PRICKLE2: variants seen among roughly 807,000 people sequenced by gnomAD.
The protein encoded by PRICKLE2 is prickle-like protein 2.
In PRICKLE2, 21 loss-of-function variants were observed where a neutral mutation model predicts 81.4. The ratio of observed to expected loss-of-function variants is 0.26; its 90% CI spans 0.18 to 0.37. PRICKLE2 has a LOEUF of 0.37. PRICKLE2 is among the 10% of genes least tolerant of loss of function. The pLI is 1.00. For missense variants in PRICKLE2, 940 were observed against 1,109.0 expected (o/e 0.85, Z 2.16); for synonymous variants, 456 against 421.5 (o/e 1.08, Z -1.00).
In PRICKLE2 at chr3:64,099,739, T is replaced by G; in HGVS notation, c.1847A>C (p.Glu616Ala). 2 of 1,614,200 alleles carry G rather than the reference T, an allele frequency of 1.2e-6. No homozygotes were observed. The highest frequency in any genetic ancestry group is 1.6e-4 in the Middle Eastern group (1 of 6,062). The change falls in exon 8 of 8, where the codon GAG becomes GCG. Residue 616 changes from glutamate (E) to alanine (A), a missense_variant. Physicochemically the swap from Glu to Ala is moderately radical, Grantham distance 107. Around this residue, in one of 2 missense-constraint regions of PRICKLE2, gnomAD observed 670 missense variants for 717.2 expected, o/e 0.93. Coordinates refer to ENST00000638394, the MANE Select transcript of PRICKLE2 (RefSeq NM_198859.4). The surrounding 1 kb of genome is among the most constrained non-coding windows in gnomAD (Gnocchi z 4.3). Reference sequence around the variant, plus strand: ...GAGCTGGTGGAGGTTTCCCTCCATCTCCTGGTACTGCTGGGCAGAGAGCAG... The same window carrying G: ...GAGCTGGTGGAGGTTTCCCTCCATCGCCTGGTACTGCTGGGCAGAGAGCAG... ...RSLLSAQQYQ[E>A]MEGNLHQLSN... is the part of the protein sequence containing the mutation.
intron 1 of PRICKLE2, among the ~76,000 whole-genome samples, chr3:64,207,338 TAAG>T (rs2078704428): frequency 6.6e-6 from 1 of 152,120 alleles, no homozygotes; most frequent in African/African-American, 2.4e-5. Context: ...AAACTACAGA[TAAG>T]AAGTAAGAGT....
At chr3:64,113,749 C>T (rs1334172140) in intron 7 of PRICKLE2, among the ~76,000 whole-genome samples, 1 of 152,130 alleles carries the variant, frequency 6.6e-6, no homozygotes, top group African/African-American at 2.4e-5. Flanking sequence ...TAATACTGCA[C>T]AGAGAACAGC....
intron 2 of PRICKLE2, chr3:64,174,506 T>A (rs1368506173): frequency 6.6e-6 from 1 of 152,634 alleles, no homozygotes; most frequent in East Asian, 1.9e-4. Flanking sequence ...GAAAACATGC[T>A]TGACAAACAT....
chr3:64,267,181 G>C (rs919711023), intron 2 of PRICKLE2, among the ~76,000 whole-genome samples: 1 of 152,054 alleles, frequency 6.6e-6, no homozygotes, highest in Non-Finnish European at 1.5e-5. Flanking sequence ...GCATCTGAGA[G>C]GGTGCATTTG....
chr3:64,128,543 C>G (rs539158061), intron 7 of PRICKLE2, among the ~76,000 whole-genome samples: 2 of 152,108 alleles, frequency 1.3e-5, no homozygotes, highest in South Asian at 2.1e-4. Flanking sequence ...GTCAGGAGTT[C>G]GAGACCAGTC....
chr3:64,220,679 TGCTTTGTCAAAC>T (rs1313076077), intron 1 of PRICKLE2, among the ~76,000 whole-genome samples: 1 of 152,152 alleles, frequency 6.6e-6, no homozygotes, highest in Non-Finnish European at 1.5e-5. Context: ...ACTCTGGCAA[TGCTTTGTCAAAC>T]GAGGCCAGCC....
At chr3:64,191,822 C>A (rs1449072205) in intron 2 of PRICKLE2, among the ~76,000 whole-genome samples, 1 of 152,192 alleles carries the variant, frequency 6.6e-6, no homozygotes, top group African/African-American at 2.4e-5. Flanking sequence ...CTGGACCAGG[C>A]TGTTTCCTCC....
chr3:64,099,689 G>T lies in PRICKLE2; in HGVS notation c.1897C>A (p.Leu633Met). Residue 633 changes from leucine to methionine, a missense_variant, in exon 8 of 8, where the codon CTG becomes ATG. By Grantham distance (15) the Leu-to-Met change is conservative (BLOSUM62 2). Around this residue, in one of 2 missense-constraint regions of PRICKLE2, gnomAD observed 670 missense variants for 717.2 expected, o/e 0.93. Transcript: ENST00000638394. This position sits in a 1 kb window ranked among gnomAD's most constrained non-coding sequence, Gnocchi z 4.3. The part of the protein sequence containing the change: ...QLSNPIGYRD[L>M]QSHGRMHQSF... ...TGATGCATCCTTCCGTGGGACTGCAGGTCTCTGTAGCCAATGGGGTTGCTG... is the reference window on the plus strand; with the variant it reads ...TGATGCATCCTTCCGTGGGACTGCATGTCTCTGTAGCCAATGGGGTTGCTG... 6.2e-7 allele frequency: 1 copy of T among 1,614,228 alleles called. No individual in the cohort carries two copies. The highest frequency in any genetic ancestry group is 8.5e-7 in the Non-Finnish European group (1 of 1,180,044).
intron 2 of PRICKLE2, among the ~76,000 whole-genome samples, chr3:64,178,963 T>TTTTCTTTCTTTCTTTCTTTC (rs373261746): frequency 5.4e-5 from 6 of 111,092 alleles, no homozygotes; most frequent in East Asian, 2.7e-4. Context: ...AACATACATA[T>TTTTCTTTCTTTCTTTCTTTC]TTTCTTTCTT....
In PRICKLE2 at chr3:64,099,324, G is replaced by T. The variant is rs2076615870; in HGVS notation, c.2262C>A (p.Asp754Glu). Reference sequence around the variant, plus strand: ...CCCCAAAGGCATTCTGCAAAGCCAGGTCCGACACAGTCCTAGGGCACTGGC... The same window carrying T: ...CCCCAAAGGCATTCTGCAAAGCCAGTTCCGACACAGTCCTAGGGCACTGGC... ...LYGQCPRTVS[D>E]LALQNAFGDR... is the part of the protein sequence containing the mutation. The change falls in exon 8 of 8, where the codon GAC (aspartate) becomes GAA (glutamate). Residue 754 changes from aspartate (D) to glutamate (E), a missense_variant. By Grantham distance (45) the Asp-to-Glu change is conservative (BLOSUM62 2). Coordinates refer to ENST00000638394, the MANE Select transcript of PRICKLE2 (RefSeq NM_198859.4). The surrounding 1 kb of genome is among the most constrained non-coding windows in gnomAD (Gnocchi z 4.3). 1 of 1,614,082 alleles carries T rather than the reference G, an allele frequency of 6.2e-7. No homozygotes were observed. Among genetic ancestry groups the T allele is most frequent in the African/African-American group, 1.3e-5 (1 of 74,938 alleles).
At chr3:64,185,924 C>T (rs750181408) in intron 2 of PRICKLE2, among the ~76,000 whole-genome samples, 7 of 152,344 alleles carry the variant, frequency 4.6e-5, no homozygotes, top group Admixed American at 3.3e-4. Flanking sequence ...ATCCTTTTGT[C>T]GTTCCTCCCT....
chr3:64,262,645 G>T (rs1024052503), intron 2 of PRICKLE2, among the ~76,000 whole-genome samples: 3 of 152,014 alleles, frequency 2.0e-5, no homozygotes, highest in Non-Finnish European at 2.9e-5. Context: ...ATTAGAAGAG[G>T]AGAAAAGAGC....
At chr3:64,207,402 A>C (rs1017370373) in intron 1 of PRICKLE2, among the ~76,000 whole-genome samples, 11 of 152,290 alleles carry the variant, frequency 7.2e-5, no homozygotes, top group African/African-American at 2.6e-4. Context: ...CATTAAACAG[A>C]AACAGCTGCT....
intron 2 of PRICKLE2, among the ~76,000 whole-genome samples, chr3:64,186,700 G>C (rs2078240429): frequency 6.6e-6 from 1 of 152,136 alleles, no homozygotes; most frequent in African/African-American, 2.4e-5. Flanking sequence ...ACGAATAAAT[G>C]GCTGAATGCA....
chr3:64,262,788 T>G (rs913969752), intron 2 of PRICKLE2, among the ~76,000 whole-genome samples: 2 of 152,138 alleles, frequency 1.3e-5, no homozygotes, highest in African/African-American at 4.8e-5. Context: ...TGACATCTCT[T>G]AACATATTTA....
chr3:64,210,171 G>A (rs968739138), intron 1 of PRICKLE2, among the ~76,000 whole-genome samples: 5 of 151,986 alleles, frequency 3.3e-5, no homozygotes, highest in South Asian at 4.2e-4. Flanking sequence ...GAAACTTCGC[G>A]TCCTCCCTAA....
intron 2 of PRICKLE2, among the ~76,000 whole-genome samples, chr3:64,193,491 T>A (rs539239369): frequency 2.0e-5 from 3 of 152,154 alleles, no homozygotes; most frequent in Non-Finnish European, 2.9e-5. Context: ...GATCGAAATA[T>A]ACTGATGCAG....
chr3:64,178,598 T>C (rs1230837451), intron 2 of PRICKLE2, among the ~76,000 whole-genome samples: 1 of 152,210 alleles, frequency 6.6e-6, no homozygotes, highest in Non-Finnish European at 1.5e-5. Context: ...CCATAATCCC[T>C]GCCACAGCAG....
chr3:64,258,005 AT>A (rs1399866672), intron 2 of PRICKLE2, among the ~76,000 whole-genome samples: 1 of 152,202 alleles, frequency 6.6e-6, no homozygotes, highest in Non-Finnish European at 1.5e-5. Flanking sequence ...GCAAACCCTC[AT>A]CAAACACCGA....
Sources: allele counts gnomAD v4.1 joint callset (sites outside exome capture counted in the v4.1 genomes callset), GRCh38; gene constraint gnomAD v4.1.1; regional missense constraint gnomAD v4.1.1; non-coding constraint Gnocchi (gnomAD v3.1); transcripts MANE v1.5; gene names NCBI Gene and HGNC (gene_info 2026-07-23, HGNC 2026-07-21).